Variants in MBIP observed in about 807,000 individuals in gnomAD.
The protein encoded by MBIP is MAP3K12-binding inhibitory protein 1.
A neutral mutation model predicts 45.7 loss-of-function variants in MBIP; 32 were observed. That is an observed-to-expected ratio of 0.70 (90% CI 0.53 to 0.94). The LOEUF (loss-of-function observed/expected upper bound fraction) is 0.94. Ranked by LOEUF, MBIP falls within the 40% of genes least tolerant of loss-of-function variation. The pLI is 0.00. For missense variants in MBIP, 381 were observed against 405.5 expected, an observed-to-expected ratio of 0.94 and a Z score of 0.52; for synonymous variants, 145 against 141.0, an observed-to-expected ratio of 1.03 and a Z score of -0.20.
intron 6 of MBIP, 102 bp from the exon 7 acceptor site, chr14:36,308,291 G>A (rs928416781): frequency 1.8e-5 from 11 of 620,620 alleles, no homozygotes; most frequent in South Asian, 4.4e-5. Context: ...GCAAAGGAAT[G>A]GAAAATACTT....
In MBIP at chr14:36,320,531, T is replaced by C. The variant is rs747820764; in HGVS notation, c.58A>G (p.Arg20Gly). ...PSSGDRNLER[R>G]CRPNLSREVL... ...TCTCGGGAGAGGTTGGGTCTGCATCTTCGCTCCAGGTTCCTGTCACCGCTG... is the reference window on the plus strand; with the variant it reads ...TCTCGGGAGAGGTTGGGTCTGCATCCTCGCTCCAGGTTCCTGTCACCGCTG... The change falls in exon 1 of 9, where the codon AGA becomes GGA. Residue 20 changes from arginine (R) to glycine (G), a missense_variant. Arg to Gly is a moderately radical substitution (Grantham distance 125, BLOSUM62 -2). Transcript: ENST00000416007. 3 of 1,613,796 alleles carry C rather than the reference T, an allele frequency of 1.9e-6. No homozygotes were observed. The Admixed American group carries it at 5.0e-5, about 27-fold the overall frequency.
chr14:36,299,450 A>C (rs1879403142), intron 8 of MBIP, among the ~76,000 whole-genome samples: 1 of 92,266 alleles, frequency 1.1e-5, no homozygotes, highest in Non-Finnish European at 2.2e-5. Context: ...TATACTTAGA[A>C]AGAATAAGTT....
rs375997568 is a variant in MBIP, at chr14:36,314,580, T to C, written c.503A>G (p.Glu168Gly). Residue 168 changes from glutamate to glycine, a missense_variant, in exon 4 of 9, where the codon GAA (glutamate) becomes GGA (glycine). Coordinates refer to ENST00000416007, the MANE Select transcript of MBIP (RefSeq NM_016586.3). ...EIDRRISAFI[E>G]RKQAEINENN... ...TTCATTGATTTCAGCTTGCTTTCTTTCAATAAATGCAGATATTCGTCTGTC... is the reference window on the plus strand; with the variant it reads ...TTCATTGATTTCAGCTTGCTTTCTTCCAATAAATGCAGATATTCGTCTGTC... 10 of 1,611,580 alleles carry C rather than the reference T, an allele frequency of 6.2e-6. No individual in the cohort carries two copies. The highest frequency in any genetic ancestry group is 1.3e-5 in the African/African-American group (1 of 74,826).
At chr14:36,306,134 T>A (rs1879861780) in intron 7 of MBIP, among the ~76,000 whole-genome samples, 1 of 152,138 alleles carries the variant, frequency 6.6e-6, no homozygotes, top group African/African-American at 2.4e-5. Flanking sequence ...GCACTTAAGG[T>A]CCTAACAATC....
intron 4 of MBIP, 52 bp from the exon 5 acceptor site, chr14:36,312,076 G>T: frequency 1.0e-6 from 1 of 1,004,396 alleles, no homozygotes; most frequent in Non-Finnish European, 1.5e-6. Context: ...CCCTTCAAAT[G>T]TATGAGATTT....
chr14:36,303,277 TAAAG>T (rs1377723443), intron 7 of MBIP, among the ~76,000 whole-genome samples: 3 of 152,312 alleles, frequency 2.0e-5, no homozygotes, highest in African/African-American at 7.2e-5. Flanking sequence ...CACAGCACAC[TAAAG>T]AAAGAGCTGG....
intron 8 of MBIP, 48 bp from the exon 9 acceptor site, chr14:36,299,238 T>A: frequency 8.0e-7 from 1 of 1,256,198 alleles, no homozygotes; most frequent in Non-Finnish European, 1.2e-6. Flanking sequence ...CTGAAGTATC[T>A]TAATGCAGAT....
At chr14:36,305,589 C>T (rs1423262643) in intron 7 of MBIP, among the ~76,000 whole-genome samples, 1 of 152,138 alleles carries the variant, frequency 6.6e-6, no homozygotes, top group Non-Finnish European at 1.5e-5. Context: ...AGGCAGTCAC[C>T]AAGCTTCAGA....
chr14:36,308,217 T>A, intron 6 of MBIP, 28 bp from the exon 7 acceptor site: 2 of 1,070,112 alleles, frequency 1.9e-6, no homozygotes, highest in South Asian at 2.7e-5. Context: ...AAATCTGAGA[T>A]ACTATTGAAT....
intron 7 of MBIP, chr14:36,305,093 C>T (rs1879790227): frequency 6.6e-6 from 1 of 152,218 alleles, no homozygotes; most frequent in Non-Finnish European, 1.5e-5. Flanking sequence ...AATTACCATG[C>T]ATGTACTCCC....
intron 7 of MBIP, chr14:36,305,160 AAC>A: frequency 6.6e-6 from 1 of 152,330 alleles, no homozygotes; most frequent in Middle Eastern, 3.4e-3. Flanking sequence ...GTATGTGCTC[AAC>A]TTCTCCTGTT....
At chr14:36,305,358 T>C (rs993018014) in intron 7 of MBIP, 1 of 152,208 alleles carries the variant, frequency 6.6e-6, no homozygotes, top group Non-Finnish European at 1.5e-5. Flanking sequence ...TTGTTCTTCC[T>C]TGTAGCTCAC....
rs1221653824 is a variant in MBIP at position 36,312,005 on chromosome 14, A to G, written c.591T>C (p.Thr197=). The G allele has an allele frequency of 6.3e-7, 1 of 1,594,114 alleles. No individual in the cohort carries two copies. Residue 197 remains threonine (T), a synonymous_variant, in exon 5 of 9, where the codon ACT becomes ACC. Coordinates refer to ENST00000416007, the MANE Select transcript of MBIP (RefSeq NM_016586.3). ...CGGGGTAAGGGGTAAAAATCGCATC[A>G]GTTCTTGCACAACTATTTTCTAAGG... The part of the protein sequence containing the change: ...DCNQENSCAR[T]DAIFTPYPGF...
At chr14:36,301,467 G>A (rs1304766070) in intron 7 of MBIP, among the ~76,000 whole-genome samples, 1 of 152,212 alleles carries the variant, frequency 6.6e-6, no homozygotes, top group Non-Finnish European at 1.5e-5. Context: ...CATCTTTTGA[G>A]AGAAAGCCCT....
Position 36,299,021 on chromosome 14 carries a change from T to C in MBIP, c.*62A>G. 1 of 1,149,788 alleles carries C rather than the reference T, an allele frequency of 8.7e-7. No homozygotes were observed. 71.2% of individuals were successfully genotyped at this position (1,149,788 alleles called of 1,614,324 possible). On this transcript the variant is annotated 3_prime_UTR_variant, in exon 9 of 9. Transcript: ENST00000416007. ...GATAAATATATATCCGTTGAATTAA[T>C]AACAGTGTAAGTTACACATATGTAT...
chr14:36,303,691 C>T (rs1199879104), intron 7 of MBIP, among the ~76,000 whole-genome samples: 1 of 152,190 alleles, frequency 6.6e-6, no homozygotes. Context: ...CACGTTCACG[C>T]ACATGCACAC....
chr14:36,299,012 T>TATTAATATACATTAATATAA lies in MBIP; in HGVS notation c.*70_*71insTTATATTAATGTATATTAAT. 7 of 1,077,514 alleles carry TATTAATATACATTAATATAA rather than the reference T, an allele frequency of 6.5e-6. No individual in the cohort carries two copies. The highest frequency in any genetic ancestry group is 1.0e-5 in the Non-Finnish European group (7 of 702,380). 66.7% of individuals were successfully genotyped at this position (1,077,514 alleles called of 1,614,324 possible). On this transcript the variant is annotated 3_prime_UTR_variant, in exon 9 of 9. Transcript: ENST00000416007. ...GTCTACATTGATAAATATATATCCG[T>TATTAATATACATTAATATAA]TGAATTAATAACAGTGTAAGTTACA...
chr14:36,314,424 G>T (rs1195423890), intron 4 of MBIP, 88 bp downstream of exon 4: 1 of 738,026 alleles, frequency 1.4e-6, no homozygotes, highest in Non-Finnish European at 2.2e-6. Flanking sequence ...TGTTCTAAAA[G>T]CTATTCATTT....
intron 7 of MBIP, among the ~76,000 whole-genome samples, chr14:36,307,539 A>T (rs1219682439): frequency 6.6e-6 from 1 of 152,234 alleles, no homozygotes; most frequent in Non-Finnish European, 1.5e-5. Context: ...TACCAGCACA[A>T]CACTGTTTCT....
Sources: allele counts gnomAD v4.1 joint callset (sites outside exome capture counted in the v4.1 genomes callset), GRCh38; gene constraint gnomAD v4.1.1; transcripts MANE v1.5; gene names NCBI Gene and HGNC (gene_info 2026-07-23, HGNC 2026-07-21).